The following PIGQ variants were observed in gnomAD, a reference collection of about 807,000 sequenced individuals.
The protein encoded by PIGQ is phosphatidylinositol glycan anchor biosynthesis class Q.
Under a neutral mutation model 60.3 loss-of-function variants are expected in PIGQ, and 54 were observed. The ratio of observed to expected loss-of-function variants is 0.90; its 90% confidence interval spans 0.72 to 1.12. The LOEUF is 1.12. PIGQ is among the 50% of genes most tolerant of loss of function. The pLI is 0.00. For missense variants in PIGQ, 799 were observed against 793.5 expected (o/e 1.01, Z -0.08); for synonymous variants, 416 against 363.7 (o/e 1.14, Z -1.64).
At chr16:582,380 G>A (rs2035828497) in intron 10 of PIGQ, 71 bp downstream of exon 10, 2 of 1,176,546 alleles carry the variant, frequency 1.7e-6, no homozygotes, top group Non-Finnish European at 2.4e-6. Flanking sequence ...TCAGCTGGGT[G>A]TAGTGTCTGG....
chr16:578,898 C>T lies in PIGQ; in HGVS notation c.1183C>T (p.Leu395Phe). Residue 395 changes from leucine (L) to phenylalanine (F), a missense_variant, in exon 6 of 11, where the codon CTC becomes TTC. Transcript: ENST00000321878. ...LSLLSDIIAL[L>F]TFHIYCFYVY... ...CCTCCTCTCGGACATTATCGCCCTC[C>T]TCACCTTCCACATCTACTGCTTTTA... The T allele has an allele frequency of 6.2e-7, 1 of 1,613,574 alleles. No homozygotes were observed. Among genetic ancestry groups the T allele is most frequent in the Non-Finnish European group, 8.5e-7 (1 of 1,179,942 alleles).
At position 574,322 on chromosome 16, in the gene PIGQ, G is replaced by T. The variant is rs2035680927; in HGVS notation, c.248G>T (p.Ser83Ile). 6.2e-7 allele frequency: 1 copy of T among 1,607,642 alleles called. No homozygotes were observed. Among genetic ancestry groups the T allele is most frequent in the Non-Finnish European group, 8.5e-7 (1 of 1,179,322 alleles). ...PEESLGRFLESLGAVFPHEPW... is the reference protein window; with the variant it reads ...PEESLGRFLEILGAVFPHEPW... Reference sequence around the variant, plus strand: ...GAGAGCCTGGGCCGCTTCCTGGAGAGCCTGGGTGCTGTCTTCCCCCATGAG... The same window carrying T: ...GAGAGCCTGGGCCGCTTCCTGGAGATCCTGGGTGCTGTCTTCCCCCATGAG... The change falls in exon 2 of 11, where the codon AGC becomes ATC. Residue 83 changes from serine (S) to isoleucine (I), a missense_variant. Physicochemically the swap from Ser to Ile is moderately radical, Grantham distance 142 (BLOSUM62 -2). Coordinates refer to ENST00000321878, the MANE Select transcript of PIGQ (RefSeq NM_004204.5).
intron 4 of PIGQ, 111 bp downstream of exon 4, chr16:576,365 C>A: frequency 7.9e-7 from 1 of 1,268,864 alleles, no homozygotes; most frequent in Non-Finnish European, 1.1e-6. Flanking sequence ...GTTCTACCTT[C>A]TCCATGCTCT....
intron 3 of PIGQ, 33 bp downstream of exon 3, chr16:576,003 G>C (rs768173307): frequency 6.4e-7 from 1 of 1,564,750 alleles, no homozygotes; most frequent in Non-Finnish European, 8.7e-7. Flanking sequence ...GCAGGGCTGG[G>C]TGCGTGCCCT....
Position 576,263 on chromosome 16 carries a change from A to G in PIGQ, c.942+9A>G. On this transcript the variant is annotated intron_variant, in intron 4 of 10. Transcript: ENST00000321878. ...TCGTTCCTGTGGCTGACGTGAGTGG[A>G]CTGGGGTGGAGCCCGGTGTCCCGGG... is the stretch of plus-strand genomic sequence containing the variant. 1 of 1,554,332 alleles carries G rather than the reference A, an allele frequency of 6.4e-7. No individual in the cohort carries two copies. Among genetic ancestry groups the G allele is most frequent in the Non-Finnish European group, 8.7e-7 (1 of 1,149,650 alleles).
At position 574,067 on chromosome 16, in the gene PIGQ, C is replaced by G. The variant is rs773412150; in HGVS notation, c.-8C>G. On this transcript the variant is annotated splice_region_variant and 5_prime_UTR_variant, in exon 2 of 11. Coordinates refer to ENST00000321878, the MANE Select transcript of PIGQ (RefSeq NM_004204.5). Reference sequence around the variant, plus strand: ...CGAGCCTCTCCTCTTCTCTTCCAGCCTCCCGGCATGGTGCTCAAGGCCTTC... The same window carrying G: ...CGAGCCTCTCCTCTTCTCTTCCAGCGTCCCGGCATGGTGCTCAAGGCCTTC... 1 of 1,588,258 alleles carries G rather than the reference C, an allele frequency of 6.3e-7. No homozygotes were observed. Among genetic ancestry groups the G allele is most frequent in the Non-Finnish European group, 8.6e-7 (1 of 1,167,258 alleles).
Position 576,163 on chromosome 16 carries a change from T to C in PIGQ, c.851T>C (p.Leu284Pro). The C allele has an allele frequency of 6.5e-7, 1 of 1,549,324 alleles. No individual in the cohort carries two copies. Among genetic ancestry groups the C allele is most frequent in the Non-Finnish European group, 8.7e-7 (1 of 1,146,892 alleles). The part of the protein sequence containing the change: ...RKANTVASVL[L>P]DVALGLMLLS... The stretch of plus-strand genomic sequence containing the variant: ...GCCAACACGGTGGCCTCTGTGCTGC[T>C]GGACGTGGCCCTGGGCCTCATGCTG... Residue 284 changes from leucine (L) to proline (P), a missense_variant, in exon 4 of 11, where the codon CTG becomes CCG. Leu to Pro is a moderately conservative substitution (Grantham distance 98, BLOSUM62 -3). Transcript: ENST00000321878.
rs749206229 is a variant in PIGQ at position 583,245 on chromosome 16, C to T, written c.*210C>T. The T allele has an allele frequency of 6.2e-7, 1 of 1,613,020 alleles. No homozygotes were observed. Among genetic ancestry groups the T allele is most frequent in the Non-Finnish European group, 8.5e-7 (1 of 1,179,982 alleles). The stretch of plus-strand genomic sequence containing the variant: ...GTGGCCAGCCAGGCTGGCCGCACTC[C>T]ATCACTGGCACTGCCTGCCTTGGGA... On this transcript the variant is annotated 3_prime_UTR_variant, in exon 11 of 11. Coordinates refer to ENST00000321878, the MANE Select transcript of PIGQ (RefSeq NM_004204.5).
At chr16:580,393 C>T (rs1343144377) in intron 8 of PIGQ, 130 bp downstream of exon 8, 1 of 686,074 alleles carries the variant, frequency 1.5e-6, no homozygotes, top group African/African-American at 1.8e-5. Context: ...CCTTTCAGGA[C>T]CCTCTGGGCA....
At position 583,772 on chromosome 16, in the gene PIGQ, C is replaced by G. The variant is rs1023775779; in HGVS notation, c.*737C>G. 3.1e-6 allele frequency: 3 copies of G among 962,790 alleles called. No individual in the cohort carries two copies. Among genetic ancestry groups the G allele is most frequent in the Non-Finnish European group, 4.9e-6 (3 of 615,546 alleles). The allele number at this position is 962,790 out of a possible 1,614,324, so 59.6% of individuals were successfully genotyped here. A position where few individuals can be genotyped will look rare whatever the true frequency, so the allele number is the denominator to read the frequency against. Reference sequence around the variant, plus strand: ...GTAGCAGCAGGTCCTGCGGCCAAATCTGTCTCCCTTCATGGGCCTCCCAGG... The same window carrying G: ...GTAGCAGCAGGTCCTGCGGCCAAATGTGTCTCCCTTCATGGGCCTCCCAGG... On this transcript the variant is annotated 3_prime_UTR_variant, in exon 11 of 11. Coordinates refer to ENST00000321878, the MANE Select transcript of PIGQ (RefSeq NM_004204.5).
intron 1 of PIGQ, chr16:572,568 G>GATGT (rs144282116): frequency 0.18 from 79,960 of 455,664 alleles, 7,883 homozygotes; most frequent in South Asian, 0.24. Flanking sequence ...CGTCCCTAAG[G>GATGT]ATGTGGTGGG....
intron 4 of PIGQ, 103 bp from the exon 5 acceptor site, chr16:578,276 G>A (rs1016484084): frequency 7.3e-6 from 9 of 1,237,208 alleles, no homozygotes; most frequent in Middle Eastern, 2.7e-4. Context: ...CCCTGGAGGA[G>A]GGAAGGCTGG....
intron 5 of PIGQ, 127 bp from the exon 6 acceptor site, chr16:578,658 G>C: frequency 7.1e-7 from 1 of 1,404,804 alleles, no homozygotes; most frequent in South Asian, 1.3e-5. Flanking sequence ...CTGGGGCCTG[G>C]GCACCTCCCG....
In PIGQ at chr16:583,064, A is replaced by G; in HGVS notation, c.*29A>G. ...AACTGCTGGCTCGCCTGGCACCACC[A>G]CACGGCCACAGCCAGCCATCTGCTC... is the stretch of plus-strand genomic sequence containing the variant. On this transcript the variant is annotated 3_prime_UTR_variant, in exon 11 of 11. Coordinates refer to ENST00000321878, the MANE Select transcript of PIGQ (RefSeq NM_004204.5). The G allele has an allele frequency of 6.2e-7, 1 of 1,612,908 alleles. No homozygotes were observed. The highest frequency in any genetic ancestry group is 2.2e-5 in the East Asian group (1 of 44,876).
Position 582,257 on chromosome 16 carries a change from A to C in PIGQ, c.1541A>C (p.Lys514Thr). Residue 514 changes from lysine to threonine, a missense_variant, in exon 10 of 11, where the codon AAG becomes ACG. Transcript: ENST00000321878. ...CRPYRLAAGVKFRVLRHEAGR... is the reference protein window; with the variant it reads ...CRPYRLAAGVTFRVLRHEAGR... ...CTTGCTATCCTTGCAGCTGGCGTGA[A>C]GTTCCGTGTCCTCCGGCACGAGGCC... 6.2e-7 allele frequency: 1 copy of C among 1,606,634 alleles called. No homozygotes were observed. Among genetic ancestry groups the C allele is most frequent in the East Asian group, 2.2e-5 (1 of 44,634 alleles).
rs544058493 is a variant in PIGQ, at chr16:574,560, G to C, written c.486G>C (p.Leu162=). Residue 162 remains leucine, a synonymous_variant, in exon 2 of 11, where the codon CTG becomes CTC. Transcript: ENST00000321878. ...CCACCACTGCCAGCACGGGGGGCCT[G>C]GCTGCCGTCTTCGACACGGTAGCAC... ...AGATTASTGG[L]AAVFDTVARS... 4.2e-5 allele frequency: 67 copies of C among 1,603,706 alleles called. No homozygotes were observed. In the Middle Eastern group the frequency reaches 1.5e-3, roughly 37 times the overall value.
intron 2 of PIGQ, 70 bp downstream of exon 2, chr16:574,833 C>T: frequency 1.6e-6 from 2 of 1,218,366 alleles, no homozygotes; most frequent in Non-Finnish European, 2.2e-6. Context: ...CCTTTGTCTG[C>T]AGTGGGCACA....
Position 576,185 on chromosome 16 carries a change from G to A in PIGQ, c.873G>A (p.Met291Ile), listed in dbSNP as rs1196136992. The change falls in exon 4 of 11, where the codon ATG (methionine) becomes ATA (isoleucine). Residue 291 changes from methionine (M) to isoleucine (I), a missense_variant. Met to Ile is a conservative substitution (Grantham distance 10). Transcript: ENST00000321878. ...TGCTGGACGTGGCCCTGGGCCTCAT[G>A]CTGCTGTCCTGGCTCCACGGGAGAA... is the stretch of plus-strand genomic sequence containing the variant. ...SVLLDVALGL[M>I]LLSWLHGRSR... 2 of 1,549,786 alleles carry A rather than the reference G, an allele frequency of 1.3e-6. No individual in the cohort carries two copies. The highest frequency in any genetic ancestry group is 2.4e-5 in the East Asian group (1 of 40,970).
intron 9 of PIGQ, chr16:581,188 C>G: frequency 7.0e-7 from 1 of 1,436,330 alleles, no homozygotes; most frequent in Non-Finnish European, 9.2e-7. Context: ...AGAGACTCAC[C>G]TGCCGCGCAG....
Sources: allele counts gnomAD v4.1 joint callset, GRCh38; gene constraint gnomAD v4.1.1; transcripts MANE v1.5; gene names NCBI Gene and HGNC (gene_info 2026-07-23, HGNC 2026-07-21).